The following ZNF236 variants were observed in gnomAD, a reference collection of about 807,000 sequenced individuals.
ZNF236 encodes the protein zinc finger protein 236, also known as regulated by glucose.
ZNF236 carries 50 observed loss-of-function variants against 191.2 expected under a neutral mutation model. The observed-to-expected ratio is 0.26, with a 90% CI of 0.21 to 0.33. The LOEUF (loss-of-function observed/expected upper bound fraction) is 0.33. Ranked by LOEUF, ZNF236 falls within the 10% of genes least tolerant of loss-of-function variation. The pLI is 1.00. For missense variants in ZNF236, 1,754 were observed against 2,374.5 expected, an observed-to-expected ratio of 0.74 and a Z score of 5.43; for synonymous variants, 907 against 928.8, an observed-to-expected ratio of 0.98 and a Z score of 0.43.
chr18:76,958,649 G>T (rs1055873314), intron 28 of ZNF236, among the ~76,000 whole-genome samples: 8 of 152,182 alleles, frequency 5.3e-5, no homozygotes, highest in Non-Finnish European at 1.0e-4. Flanking sequence ...CAGACGGAGT[G>T]GGGGAGGAAT....
chr18:76,914,121 A>G (rs1004022752), intron 18 of ZNF236, among the ~76,000 whole-genome samples: 7 of 152,152 alleles, frequency 4.6e-5, no homozygotes, highest in African/African-American at 1.7e-4. Flanking sequence ...TTTCCCCTCA[A>G]TGCCCAGAAC....
intron 1 of ZNF236, among the ~76,000 whole-genome samples, chr18:76,848,971 T>C (rs950036697): frequency 4.6e-5 from 7 of 152,228 alleles, no homozygotes; most frequent in Non-Finnish European, 1.0e-4. Context: ...TTTTCTTTTT[T>C]ACTTAATCTT....
At position 76,970,422 on chromosome 18, in the gene ZNF236, C is replaced by T. The variant is rs1968889726; in HGVS notation, c.*2083C>T. On this transcript the variant is annotated 3_prime_UTR_variant, in exon 31 of 31. Coordinates refer to ENST00000320610, the MANE Select transcript of ZNF236 (RefSeq NM_001306089.2). ...AATAATTCAATTTTGTGTCTTTTCT[C>T]AATTTATTAGCAAACACAAGACATT... The T allele has an allele frequency of 6.6e-6, 1 of 152,578 alleles. No individual in the cohort carries two copies. The highest frequency in any genetic ancestry group is 1.5e-5 in the Non-Finnish European group (1 of 68,034). 9.5% of individuals were successfully genotyped at this position (152,578 alleles called of 1,614,324 possible). A position where few individuals can be genotyped will look rare whatever the true frequency, so the allele number is the denominator to read the frequency against.
Position 76,968,388 on chromosome 18 carries a change from T to G in ZNF236, c.*49T>G. 1 of 1,575,530 alleles carries G rather than the reference T, an allele frequency of 6.3e-7. No homozygotes were observed. The highest frequency in any genetic ancestry group is 8.5e-7 in the Non-Finnish European group (1 of 1,170,144). ...AGAATGTTTCTGAAGTTACGTTTTG[T>G]GAAGAGCAAAGCACTTGGAATCTCC... On this transcript the variant is annotated 3_prime_UTR_variant, in exon 31 of 31. Coordinates refer to ENST00000320610, the MANE Select transcript of ZNF236 (RefSeq NM_001306089.2).
chr18:76,920,971 G>C (rs118111503), intron 20 of ZNF236, among the ~76,000 whole-genome samples: 1 of 152,212 alleles, frequency 6.6e-6, no homozygotes, highest in Non-Finnish European at 1.5e-5. Context: ...CTTATGTTTT[G>C]CTCTAGGAGA....
chr18:76,895,016 C>G lies in ZNF236; in HGVS notation c.1421C>G (p.Ser474Cys), dbSNP rs1217801083. 1 of 1,608,672 alleles carries G rather than the reference C, an allele frequency of 6.2e-7. No individual in the cohort carries two copies. Among genetic ancestry groups the G allele is most frequent in the Non-Finnish European group, 8.5e-7 (1 of 1,179,900 alleles). Residue 474 changes from serine (S) to cysteine (C), a missense_variant, in exon 10 of 31, where the codon TCC (serine) becomes TGC (cysteine). Transcript: ENST00000320610. ...GACGTGTCCTCTCCCTTCACAGGCT[C>G]CATCCGCGAGGAGAACGGCGTGCGC... Reference protein sequence around the residue: ...IKKKSPFLPGSIREENGVRWH... With the variant: ...IKKKSPFLPGCIREENGVRWH...
chr18:76,854,598 T>C (rs1256031747), intron 3 of ZNF236, among the ~76,000 whole-genome samples: 1 of 145,630 alleles, frequency 6.9e-6, no homozygotes, highest in African/African-American at 2.6e-5. Context: ...AAAAAAAAAG[T>C]CTTTGGCATC....
At chr18:76,882,863 C>G (rs1349785049) in intron 9 of ZNF236, among the ~76,000 whole-genome samples, 1 of 152,188 alleles carries the variant, frequency 6.6e-6, no homozygotes, top group African/African-American at 2.4e-5. Flanking sequence ...TGGTAGTCTT[C>G]CAGGTTACAG....
intron 2 of ZNF236, among the ~76,000 whole-genome samples, chr18:76,849,887 A>G (rs759419612): frequency 5.3e-5 from 8 of 152,226 alleles, no homozygotes; most frequent in Admixed American, 2.0e-4. Flanking sequence ...GTGAATTTGT[A>G]TATTGAAGTT....
intron 11 of ZNF236, among the ~76,000 whole-genome samples, chr18:76,902,641 G>A (rs1977628638): frequency 6.6e-6 from 1 of 152,050 alleles, no homozygotes; most frequent in Non-Finnish European, 1.5e-5. Flanking sequence ...GTACGATCTC[G>A]GCTCACTGCA....
chr18:76,868,198 T>C (rs531940330), intron 3 of ZNF236, among the ~76,000 whole-genome samples: 1 of 152,302 alleles, frequency 6.6e-6, no homozygotes, highest in Non-Finnish European at 1.5e-5. Flanking sequence ...CAGCCTGCAC[T>C]CTGCTCTGCC....
intron 3 of ZNF236, among the ~76,000 whole-genome samples, chr18:76,856,732 G>C (rs1279726089): frequency 6.6e-6 from 1 of 152,046 alleles, no homozygotes; most frequent in Non-Finnish European, 1.5e-5. Flanking sequence ...TGGAAAGTTA[G>C]GTTTTTCTGC....
At chr18:76,916,694 CGT>C (rs1485556583) in intron 19 of ZNF236, among the ~76,000 whole-genome samples, 1 of 152,102 alleles carries the variant, frequency 6.6e-6, no homozygotes, top group African/African-American at 2.4e-5. Context: ...TTTTTAAATC[CGT>C]GTGTGTTCTG....
At chr18:76,939,692 C>T (rs1968083106) in intron 26 of ZNF236, among the ~76,000 whole-genome samples, 1 of 152,042 alleles carries the variant, frequency 6.6e-6, no homozygotes, top group Non-Finnish European at 1.5e-5. Context: ...TAAATATGAC[C>T]TTACACTTCC....
intron 2 of ZNF236, among the ~76,000 whole-genome samples, chr18:76,851,373 C>T (rs1174243493): frequency 6.8e-6 from 1 of 147,696 alleles, no homozygotes; most frequent in Admixed American, 7.0e-5. Flanking sequence ...TCAAGTGATT[C>T]TCTTGCCTCG....
chr18:76,847,474 A>G (rs999631223), intron 1 of ZNF236, among the ~76,000 whole-genome samples: 1 of 148,610 alleles, frequency 6.7e-6, no homozygotes, highest in African/African-American at 2.5e-5. Flanking sequence ...TTATTTATTT[A>G]TTTTTTTTTT....
chr18:76,834,650 T>G (rs1156769830), intron 1 of ZNF236: 1 of 448,552 alleles, frequency 2.2e-6, no homozygotes, highest in African/African-American at 2.0e-5. Context: ...CCATTCAATG[T>G]AGAGGACATA....
chr18:76,826,118 AT>A (rs60496800), intron 1 of ZNF236, among the ~76,000 whole-genome samples: 28,215 of 150,350 alleles, frequency 0.19, 2,790 homozygotes, highest in Middle Eastern at 0.26. Context: ...CGGATACCTG[AT>A]TTTTTTTTCT....
intron 30 of ZNF236, among the ~76,000 whole-genome samples, chr18:76,962,725 G>T (rs1399638034): frequency 6.6e-6 from 1 of 152,078 alleles, no homozygotes; most frequent in Non-Finnish European, 1.5e-5. Context: ...GGTCATCTGT[G>T]ATTTCTTTCA....
Sources: allele counts gnomAD v4.1 joint callset (sites outside exome capture counted in the v4.1 genomes callset), GRCh38; gene constraint gnomAD v4.1.1; transcripts MANE v1.5; gene names NCBI Gene and HGNC (gene_info 2026-07-23, HGNC 2026-07-21).